LCN12: variants seen among roughly 807,000 people sequenced by gnomAD.
The protein encoded by LCN12 is lipocalin 12, also known as epididymal-specific lipocalin-12.
LCN12 carries 15 observed loss-of-function variants against 23.7 expected under a neutral mutation model. The ratio of observed to expected loss-of-function variants is 0.63; its 90% CI spans 0.42 to 0.97. The LOEUF (loss-of-function observed/expected upper bound fraction) is 0.97. Ranked by LOEUF, LCN12 falls within the 50% of genes least tolerant of loss-of-function variation. LCN12 has a pLI of 0.00. For synonymous variants in LCN12, 116 were observed against 111.5 expected (o/e 1.04, Z -0.25); for missense variants, 219 against 249.6 (o/e 0.88, Z 0.83).
chr9:136,952,843 CA>C, intron 1 of LCN12, 48 bp from the exon 2 acceptor site: 1 of 1,588,286 alleles, frequency 6.3e-7, no homozygotes, highest in Non-Finnish European at 8.6e-7. Flanking sequence ...TGACCCTGCC[CA>C]CTGCCACCCC....
At chr9:136,954,598 T>C (rs1454366010) in intron 5 of LCN12, 1 of 617,384 alleles carries the variant, frequency 1.6e-6, no homozygotes, top group Non-Finnish European at 2.6e-6. Flanking sequence ...GGGTCTCCTG[T>C]CCTGGGCTAC....
upstream of LCN12, chr9:136,952,229 G>A: frequency 1.2e-6 from 1 of 832,750 alleles, no homozygotes; most frequent in Non-Finnish European, 2.0e-6. Context: ...CCCTTGGGAG[G>A]GGCACCTGCT....
upstream of LCN12, among the ~76,000 whole-genome samples, chr9:136,950,718 C>T (rs1437319226): frequency 6.6e-6 from 1 of 152,182 alleles, no homozygotes; most frequent in Non-Finnish European, 1.5e-5. Flanking sequence ...AGATTATTTC[C>T]AACTTTTCCT....
At chr9:136,954,132 T>A in intron 4 of LCN12, 22 bp from the exon 5 acceptor site, 6 of 1,536,866 alleles carry the variant, frequency 3.9e-6, no homozygotes, top group Non-Finnish European at 3.5e-6. Flanking sequence ...CACAGACCCA[T>A]GCTGGGCTCC....
downstream of LCN12, among the ~76,000 whole-genome samples, chr9:136,956,078 C>T (rs1851314315): frequency 2.6e-5 from 4 of 152,140 alleles, no homozygotes; most frequent in Admixed American, 1.3e-4. Context: ...CCAACCCTGA[C>T]TGTACACCCC....
intron 5 of LCN12, chr9:136,954,870 C>A: frequency 8.1e-7 from 1 of 1,238,394 alleles, no homozygotes. Context: ...GCCCACCGTG[C>A]CCTTCTGATT....
At chr9:136,952,847 G>GC in intron 1 of LCN12, 45 bp from the exon 2 acceptor site, 1 of 1,589,880 alleles carries the variant, frequency 6.3e-7, no homozygotes, top group South Asian at 1.1e-5. Context: ...CCTGCCCACT[G>GC]CCACCCCTGC....
upstream of LCN12, among the ~76,000 whole-genome samples, chr9:136,950,483 C>T (rs1851127627): frequency 6.6e-6 from 1 of 152,186 alleles, no homozygotes; most frequent in African/African-American, 2.4e-5. Flanking sequence ...TTTCCTCCCG[C>T]AGGGCCCTGC....
intron 3 of LCN12, 27 bp downstream of exon 3, chr9:136,953,806 G>T: frequency 6.2e-7 from 1 of 1,600,178 alleles, no homozygotes; most frequent in East Asian, 2.2e-5. Context: ...AGGGAGGGAC[G>T]GGGTGCTGGC....
rs892706067 is a variant in LCN12, at chr9:136,953,594, G to A, written c.252-106G>A. 1.9e-5 allele frequency: 15 copies of A among 775,314 alleles called. No homozygotes were observed. The Admixed American group carries it at 2.9e-4, about 15-fold the overall frequency. 48.0% of individuals were successfully genotyped at this position (775,314 alleles called of 1,614,324 possible). On this transcript the variant is annotated intron_variant, in intron 2 of 5. Transcript: ENST00000371633. ...CCACTCATGACGCTTGGCCACTCCCGCCGTGGGTCCCTCTGAATAAGTGGC... is the reference window on the plus strand; with the variant it reads ...CCACTCATGACGCTTGGCCACTCCCACCGTGGGTCCCTCTGAATAAGTGGC...
chr9:136,955,091 C>T (rs1851292338), intron 5 of LCN12: 3 of 1,413,736 alleles, frequency 2.1e-6, no homozygotes, highest in Non-Finnish European at 2.8e-6. Flanking sequence ...GCCAGGCCTC[C>T]TGGGTCTGCA....
upstream of LCN12, among the ~76,000 whole-genome samples, chr9:136,950,733 T>G (rs1191084118): frequency 1.3e-5 from 2 of 152,152 alleles, no homozygotes; most frequent in Non-Finnish European, 2.9e-5. Flanking sequence ...TTTCCTTCCC[T>G]GGGCCAGCCT....
chr9:136,955,210 C>A (rs1231866071), intron 5 of LCN12, 161 bp from the exon 6 acceptor site: 11 of 1,422,814 alleles, frequency 7.7e-6, no homozygotes, highest in Non-Finnish European at 1.0e-5. Flanking sequence ...CAGCCTCCCT[C>A]ACCCCAGCCC....
chr9:136,953,598 T>C lies in LCN12; in HGVS notation c.252-102T>C, dbSNP rs565608729. 6.8e-5 allele frequency: 54 copies of C among 799,314 alleles called. No homozygotes were observed. The East Asian group carries it at 8.7e-4, about 13-fold the overall frequency. The allele number at this position is 799,314 out of a possible 1,614,324, so 49.5% of individuals were successfully genotyped here. A position where few individuals can be genotyped will look rare whatever the true frequency, so the allele number is the denominator to read the frequency against. On this transcript the variant is annotated intron_variant, in intron 2 of 5. Transcript: ENST00000371633. ...TCATGACGCTTGGCCACTCCCGCCG[T>C]GGGTCCCTCTGAATAAGTGGCTGAA...
chr9:136,953,344 C>T, intron 2 of LCN12: 1 of 98,466 alleles, frequency 1.0e-5, no homozygotes. Flanking sequence ...CGCTGGCTCA[C>T]ACCTGTAATC....
rs976397967 is a variant in LCN12 at position 136,952,689 on chromosome 9, G to T, written c.115-203G>T. ...GAGGGGAAACAGGCTCGGGAAGGCC[G>T]CACAGCCACTGGCCAGGGTCACCAT... On this transcript the variant is annotated intron_variant, in intron 1 of 5. Transcript: ENST00000371633. The T allele has an allele frequency of 3.4e-5, 22 of 653,186 alleles. No individual in the cohort carries two copies. The African/African-American group carries it at 3.8e-4, about 11-fold the overall frequency. 40.5% of individuals were successfully genotyped at this position (653,186 alleles called of 1,614,324 possible). A position where few individuals can be genotyped will look rare whatever the true frequency, so the allele number is the denominator to read the frequency against.
At chr9:136,955,960 T>C (rs890101863), downstream of LCN12, among the ~76,000 whole-genome samples, 3 of 152,074 alleles carry the variant, frequency 2.0e-5, no homozygotes, top group African/African-American at 7.2e-5. Context: ...GCCCCAGGCC[T>C]GGGAGAGGGG....
chr9:136,955,318 T>G (rs779023821), intron 5 of LCN12, 53 bp from the exon 6 acceptor site: 26 of 1,592,934 alleles, frequency 1.6e-5, no homozygotes, highest in Non-Finnish European at 2.1e-5. Flanking sequence ...CCTCCTGGGC[T>G]CTGTCCCCTG....
At chr9:136,955,667 G>A (rs868102), downstream of LCN12, among the ~76,000 whole-genome samples, 75,713 of 152,118 alleles carry the variant, frequency 0.5, 19,547 homozygotes, top group East Asian at 0.84. Flanking sequence ...GCACATGTAT[G>A]TTCATGCATG....
Sources: gnomAD v4.1 joint callset for allele counts (sites outside exome capture counted in the v4.1 genomes callset) on GRCh38, gnomAD v4.1.1 for gene constraint, MANE v1.5 for transcripts, NCBI Gene and HGNC (gene_info 2026-07-23, HGNC 2026-07-21) for gene names.